The following FBRSL1 variants were observed in gnomAD, a reference collection of about 807,000 sequenced individuals.
FBRSL1 encodes fibrosin like 1, also known as fibrosin-1-like protein.
FBRSL1 carries 51 observed loss-of-function variants against 89.6 expected under a neutral mutation model. The ratio of observed to expected loss-of-function variants is 0.57; its 90% CI spans 0.45 to 0.72. The LOEUF (loss-of-function observed/expected upper bound fraction) is 0.72, where lower values mean the gene tolerates loss of function less well. FBRSL1 is among the 30% of genes least tolerant of loss of function. The pLI is 0.00. For synonymous variants in FBRSL1, 779 were observed against 681.1 expected (o/e 1.14, Z -2.24); for missense variants, 1,618 against 1,451.8 (o/e 1.11, Z -1.86).
At chr12:132,509,596 C>T (rs1226215392) in intron 2 of FBRSL1, 2 of 1,231,978 alleles carry the variant, frequency 1.6e-6, no homozygotes, top group Non-Finnish European at 2.0e-6. Context: ...CGCCTGCGGT[C>T]CCTCCTGGCC....
At chr12:132,509,124 TG>T in intron 2 of FBRSL1, 1 of 1,233,056 alleles carries the variant, frequency 8.1e-7, no homozygotes, top group Non-Finnish European at 1.0e-6. Context: ...CCGCGGGCGG[TG>T]ACACCTGCCC....
At chr12:132,544,961 T>C (rs1566175950) in intron 4 of FBRSL1, among the ~76,000 whole-genome samples, 1 of 152,230 alleles carries the variant, frequency 6.6e-6, no homozygotes, top group African/African-American at 2.4e-5. Context: ...TATTCACTTA[T>C]TTAAGCCACA....
chr12:132,556,897 G>T (rs115473075), intron 5 of FBRSL1, among the ~76,000 whole-genome samples: 1 of 151,532 alleles, frequency 6.6e-6, no homozygotes, highest in African/African-American at 2.4e-5. Context: ...CTCTCCAGGC[G>T]TGAGAGGACA....
intron 2 of FBRSL1, among the ~76,000 whole-genome samples, chr12:132,513,771 CTG>C (rs2034582432): frequency 6.6e-6 from 1 of 152,154 alleles, no homozygotes; most frequent in South Asian, 2.1e-4. Flanking sequence ...GACACTGAGA[CTG>C]TGGCGGTGGG....
At chr12:132,552,530 CT>C (rs2137427482) in intron 5 of FBRSL1, 1 of 157,012 alleles carries the variant, frequency 6.4e-6, no homozygotes, top group African/African-American at 2.5e-5. Flanking sequence ...GAGGCCCCTG[CT>C]ATGGGGCACT....
intron 5 of FBRSL1, among the ~76,000 whole-genome samples, chr12:132,549,966 G>T (rs2038009373): frequency 6.6e-6 from 1 of 152,258 alleles, no homozygotes; most frequent in African/African-American, 2.4e-5. Context: ...AGCAGCCCCA[G>T]GGGAGATGAC....
chr12:132,564,549 C>CGG (rs1566211733), intron 5 of FBRSL1, among the ~76,000 whole-genome samples: 1 of 118,720 alleles, frequency 8.4e-6, no homozygotes, highest in Non-Finnish European at 1.7e-5. Flanking sequence ...AGGCTGGAGT[C>CGG]CAGTGGTACG....
At chr12:132,547,388 C>G (rs1395330032) in intron 4 of FBRSL1, among the ~76,000 whole-genome samples, 1 of 152,192 alleles carries the variant, frequency 6.6e-6, no homozygotes, top group Non-Finnish European at 1.5e-5. Flanking sequence ...ACACCCCCAC[C>G]CTAACCAGCC....
intron 15 of FBRSL1, among the ~76,000 whole-genome samples, chr12:132,578,246 G>A (rs2040502310): frequency 6.6e-6 from 1 of 152,162 alleles, no homozygotes; most frequent in Non-Finnish European, 1.5e-5. Context: ...TCAGGAGGCT[G>A]AGGCAGGAGG....
At chr12:132,555,515 G>A (rs564854071) in intron 5 of FBRSL1, among the ~76,000 whole-genome samples, 1 of 151,146 alleles carries the variant, frequency 6.6e-6, no homozygotes, top group East Asian at 2.0e-4. Flanking sequence ...CACGGTAGCC[G>A]CCCCACCCGA....
rs150063020 is a variant in FBRSL1, at chr12:132,534,389, T to C, written c.615+6401T>C. ...TTTGATTGCAAACAGGTGAGGTCCA[T>C]GAGGAGACCTCGCCTCCATCTGCAG... On this transcript the variant is annotated intron_variant, in intron 4 of 18. Transcript: ENST00000680143. Among the ~76,000 whole-genome samples the C allele has an allele frequency of 5.1e-4, 77 of 152,360 alleles. 2 individuals are homozygous for C. The highest frequency in any genetic ancestry group is 3.9e-4 in the Admixed American group (6 of 15,308).
At chr12:132,513,755 A>G (rs1170313087) in intron 2 of FBRSL1, among the ~76,000 whole-genome samples, 1 of 152,072 alleles carries the variant, frequency 6.6e-6, no homozygotes, top group Non-Finnish European at 1.5e-5. Context: ...TTCCTGGAAG[A>G]TGGGTGACAC....
intron 15 of FBRSL1, chr12:132,581,204 C>A: frequency 1.0e-6 from 1 of 985,404 alleles, no homozygotes; most frequent in Non-Finnish European, 1.2e-6. Context: ...CCCTCCCTGC[C>A]CCCCTTGGGG....
At chr12:132,521,828 T>C (rs764238547) in intron 2 of FBRSL1, among the ~76,000 whole-genome samples, 3 of 152,174 alleles carry the variant, frequency 2.0e-5, no homozygotes, top group African/African-American at 7.2e-5. Flanking sequence ...CTGCTCAGTT[T>C]GCACAAGAGG....
At position 132,499,214 on chromosome 12, in the gene FBRSL1, A is replaced by G. The variant is rs1001043975; in HGVS notation, c.291+8353A>G. Among the ~76,000 whole-genome samples, 11 of 151,522 alleles carry G rather than the reference A, an allele frequency of 7.3e-5. No homozygotes were observed. Among genetic ancestry groups the G allele is most frequent in the Non-Finnish European group, 1.3e-4 (9 of 67,830 alleles). On this transcript the variant is annotated intron_variant, in intron 1 of 18. Coordinates refer to ENST00000680143, the MANE Select transcript of FBRSL1 (RefSeq NM_001367871.1). The surrounding 1 kb of genome is among the most constrained non-coding windows in gnomAD (Gnocchi z 4.3). ...AGCCTCCAGGGCCGGCCAGGCAGGG[A>G]TGGTGCCGGGCAGGGGTGGTGCCGG...
intron 6 of FBRSL1, 49 bp downstream of exon 6, chr12:132,567,575 T>G (rs533161230): frequency 2.0e-6 from 3 of 1,522,506 alleles, no homozygotes; most frequent in Non-Finnish European, 2.7e-6. Flanking sequence ...AGAGACACAA[T>G]GCGCCCTGCG....
chr12:132,493,192 G>A (rs1487839284), intron 1 of FBRSL1, among the ~76,000 whole-genome samples: 8 of 152,214 alleles, frequency 5.3e-5, no homozygotes, highest in Admixed American at 3.9e-4. Flanking sequence ...ACGGGACACC[G>A]AGGGAGATGT....
In FBRSL1 at chr12:132,583,002, C is replaced by T. The variant is rs1239790019; in HGVS notation, c.2233C>T (p.Arg745Trp). ...CCTGGAGAAGACGCGCCTGCTGAGC[C>T]GGGCCTCGCCCGCCACCCCCGCTGG... ...DLLEKTRLLS[R>W]ASPATPAGHP... The change falls in exon 19 of 19, where the codon CGG (arginine) becomes TGG (tryptophan). Residue 745 changes from arginine (R) to tryptophan (W), a missense_variant. Physicochemically the swap from Arg to Trp is moderately radical, Grantham distance 101 (BLOSUM62 -3). Transcript: ENST00000680143. 2.1e-6 allele frequency: 3 copies of T among 1,453,246 alleles called. No homozygotes were observed. The highest frequency in any genetic ancestry group is 2.7e-6 in the Non-Finnish European group (3 of 1,110,462). The allele number at this position is 1,453,246 out of a possible 1,614,324, so 90.0% of individuals were successfully genotyped here. A position where few individuals can be genotyped will look rare whatever the true frequency, so the allele number is the denominator to read the frequency against.
Position 132,576,829 on chromosome 12 carries a change from G to A in FBRSL1, c.1732G>A (p.Val578Met). Residue 578 changes from valine to methionine, a missense_variant, in exon 15 of 19, where the codon GTG becomes ATG. Coordinates refer to ENST00000680143, the MANE Select transcript of FBRSL1 (RefSeq NM_001367871.1). ...EMQLDPHKLE[V>M]GAKLDLFGRP... ...GCAGCTGGACCCCCACAAGCTGGAG[G>A]TGGGTGCAAAGCTGGACCTGTTCGG... 2 of 1,550,984 alleles carry A rather than the reference G, an allele frequency of 1.3e-6. No individual in the cohort carries two copies. The highest frequency in any genetic ancestry group is 1.7e-6 in the Non-Finnish European group (2 of 1,146,898).
Sources: gnomAD v4.1 joint callset for allele counts (sites outside exome capture counted in the v4.1 genomes callset) on GRCh38, gnomAD v4.1.1 for gene constraint, Gnocchi (gnomAD v3.1) non-coding constraint, MANE v1.5 for transcripts, NCBI Gene and HGNC (gene_info 2026-07-23, HGNC 2026-07-21) for gene names.